The following PRKCQ variants were observed in gnomAD, a reference collection of about 807,000 sequenced individuals.
PRKCQ encodes protein kinase C theta type.
A neutral mutation model predicts 91.2 loss-of-function variants in PRKCQ; 41 were observed. The observed-to-expected ratio is 0.45, with a 90% CI of 0.35 to 0.58. The LOEUF (loss-of-function observed/expected upper bound fraction) is 0.58. PRKCQ is among the 20% of genes least tolerant of loss of function. The probability of loss-of-function intolerance (pLI) is 0.00; values close to 1 mark genes in which losing one functional copy is unlikely to be tolerated. For synonymous variants in PRKCQ, 307 were observed against 316.9 expected (o/e 0.97, Z 0.33); for missense variants, 673 against 896.5 (o/e 0.75, Z 3.18).
chr10:6,555,996 G>A (rs1462141901), intron 1 of PRKCQ, among the ~76,000 whole-genome samples: 2 of 152,106 alleles, frequency 1.3e-5, no homozygotes, highest in African/African-American at 4.8e-5. Flanking sequence ...GTAACAGAGC[G>A]AGACTCTGCC....
rs769436095 is a variant in PRKCQ at position 6,491,662 on chromosome 10, C to T, written c.790+21G>A. ...CCTAGGGGGTCCACGTCGGGCCATG[C>T]TCATCCCCCACTGGACTCACCATCA... On this transcript the variant is annotated intron_variant, in intron 8 of 17. Coordinates refer to ENST00000263125, the MANE Select transcript of PRKCQ (RefSeq NM_006257.5). 7 of 1,613,514 alleles carry T rather than the reference C, an allele frequency of 4.3e-6. No individual in the cohort carries two copies. In the Admixed American group the frequency reaches 8.3e-5, roughly 19 times the overall value.
At chr10:6,471,756 A>G (rs1835981908) in intron 12 of PRKCQ, among the ~76,000 whole-genome samples, 1 of 152,098 alleles carries the variant, frequency 6.6e-6, no homozygotes, top group Admixed American at 6.5e-5. Context: ...TCTCAAAACA[A>G]ACAAACAAAC....
intron 14 of PRKCQ, among the ~76,000 whole-genome samples, chr10:6,458,290 C>A (rs922800084): frequency 6.6e-6 from 1 of 152,152 alleles, no homozygotes; most frequent in Non-Finnish European, 1.5e-5. Context: ...CCATGTGAAG[C>A]CAGCCCCCCA....
intron 16 of PRKCQ, among the ~76,000 whole-genome samples, chr10:6,435,599 T>C (rs2132241160): frequency 6.6e-6 from 1 of 152,346 alleles, no homozygotes; most frequent in East Asian, 1.9e-4. Flanking sequence ...CTATGTCAAC[T>C]TTGAACAGCA....
At chr10:6,544,327 C>A in intron 1 of PRKCQ, among the ~76,000 whole-genome samples, 1 of 152,106 alleles carries the variant, frequency 6.6e-6, no homozygotes, top group African/African-American at 2.4e-5. Flanking sequence ...GGTTTTTCAT[C>A]GGGGAGATTT....
the PRKCQ span, among the ~76,000 whole-genome samples, chr10:6,405,272 C>T: frequency 1.3e-5 from 2 of 152,322 alleles, no homozygotes; most frequent in South Asian, 2.1e-4. Context: ...CGTGAGCCAC[C>T]GCGCCCGGTC....
At chr10:6,513,499 A>G (rs947868674) in intron 2 of PRKCQ, among the ~76,000 whole-genome samples, 6 of 149,998 alleles carry the variant, frequency 4.0e-5, no homozygotes, top group Non-Finnish European at 8.9e-5. Flanking sequence ...GGGAGACCTG[A>G]GATGGTAAAG....
At chr10:6,534,774 CTATATATATATATATATAGATATA>C (rs1176252399) in intron 1 of PRKCQ, among the ~76,000 whole-genome samples, 1 of 142,796 alleles carries the variant, frequency 7.0e-6, no homozygotes, top group African/African-American at 2.7e-5. Flanking sequence ...AAACATATAT[CTATATATATATATATATAGATATA>C]TATATATATA....
rs1021715542 is a variant in PRKCQ, at chr10:6,476,539, CTTAT to C, written c.1353+2449_1353+2452del. On this transcript the variant is annotated intron_variant, in intron 12 of 17. Coordinates refer to ENST00000263125, the MANE Select transcript of PRKCQ (RefSeq NM_006257.5). ...TAAAAGGAAATACTATATATTCTCA[CTTAT>C]GATTTCATAAACAACATTCTGTATT... Among the ~76,000 whole-genome samples, 22 of 152,272 alleles carry C rather than the reference CTTAT, an allele frequency of 1.4e-4. No individual in the cohort carries two copies. In the East Asian group the frequency reaches 4.1e-3, roughly 28 times the overall value.
At chr10:6,405,895 T>C in the PRKCQ span, among the ~76,000 whole-genome samples, 1 of 152,206 alleles carries the variant, frequency 6.6e-6, no homozygotes, top group Admixed American at 6.5e-5. Flanking sequence ...CTGTTACCAA[T>C]GTTGTCCCAT....
intron 11 of PRKCQ, among the ~76,000 whole-genome samples, chr10:6,481,824 A>G (rs1836612847): frequency 6.6e-6 from 1 of 152,206 alleles, no homozygotes; most frequent in Non-Finnish European, 1.5e-5. Flanking sequence ...CCAAGAATGT[A>G]AAACAAATAG....
intron 12 of PRKCQ, among the ~76,000 whole-genome samples, chr10:6,472,316 A>AG (rs1238916348): frequency 6.6e-6 from 1 of 151,854 alleles, no homozygotes; most frequent in Non-Finnish European, 1.5e-5. Context: ...TCAGAAAAAA[A>AG]CAAACAAAAA....
chr10:6,557,100 C>T (rs376202383), intron 1 of PRKCQ, among the ~76,000 whole-genome samples: 11 of 152,188 alleles, frequency 7.2e-5, no homozygotes, highest in East Asian at 5.8e-4. Context: ...GTTTTGCAAC[C>T]TCTAACAACT....
At chr10:6,580,104 C>T (rs886486349) in intron 1 of PRKCQ, 107 bp downstream of exon 1, 2 of 152,248 alleles carry the variant, frequency 1.3e-5, no homozygotes, top group African/African-American at 4.8e-5. Context: ...GCAGCCCTCA[C>T]CCCTTCCCGG....
chr10:6,470,686 C>T (rs577324718), intron 12 of PRKCQ, among the ~76,000 whole-genome samples: 9 of 152,114 alleles, frequency 5.9e-5, no homozygotes, highest in Non-Finnish European at 8.8e-5. Flanking sequence ...CGCGGTGGCT[C>T]ATGCCTATAA....
intron 12 of PRKCQ, among the ~76,000 whole-genome samples, chr10:6,472,262 C>G (rs760491749): frequency 1.5e-4 from 23 of 151,996 alleles, no homozygotes; most frequent in African/African-American, 4.8e-4. Flanking sequence ...GAGCCGAGAT[C>G]GCACCACTGC....
chr10:6,497,525 G>A lies in PRKCQ; in HGVS notation c.543-274C>T, dbSNP rs1837686209. Among the ~76,000 whole-genome samples, 1 of 152,200 alleles carries A rather than the reference G, an allele frequency of 6.6e-6. No individual in the cohort carries two copies. ...GAGATTAAAATGCATGAATGAAAAT[G>A]CATGCATCACAGACTCTTCGTAGCA... On this transcript the variant is annotated intron_variant, in intron 5 of 17. Transcript: ENST00000263125. The surrounding 1 kb of genome is among the most constrained non-coding windows in gnomAD (Gnocchi z 4.5).
chr10:6,513,123 T>C (rs764366271), intron 2 of PRKCQ, among the ~76,000 whole-genome samples: 5 of 152,220 alleles, frequency 3.3e-5, no homozygotes, highest in Non-Finnish European at 7.4e-5. Flanking sequence ...GGGCCCTATC[T>C]ATGTAGAGTG....
intron 1 of PRKCQ, among the ~76,000 whole-genome samples, chr10:6,537,075 G>T (rs1373870333): frequency 6.6e-6 from 1 of 152,178 alleles, no homozygotes; most frequent in Non-Finnish European, 1.5e-5. Context: ...GCGCAGTGGG[G>T]GTGTCGGAGT....
Sources: gnomAD v4.1 joint callset for allele counts (sites outside exome capture counted in the v4.1 genomes callset) on GRCh38, gnomAD v4.1.1 for gene constraint, Gnocchi (gnomAD v3.1) non-coding constraint, MANE v1.5 for transcripts, NCBI Gene and HGNC (gene_info 2026-07-23, HGNC 2026-07-21) for gene names.